Variants in EIF4G3 observed in about 807,000 individuals in gnomAD.
EIF4G3 encodes eukaryotic translation initiation factor 4 gamma 3.
In EIF4G3, 34 loss-of-function variants were observed where a neutral mutation model predicts 186.4. That is an observed-to-expected ratio of 0.18 (90% CI 0.14 to 0.24). The LOEUF (loss-of-function observed/expected upper bound fraction) is 0.24. EIF4G3 is among the 10% of genes least tolerant of loss of function. EIF4G3 has a pLI of 1.00. For synonymous variants in EIF4G3, 673 were observed against 679.5 expected (o/e 0.99, Z 0.15); for missense variants, 1,536 against 1,948.5 (o/e 0.79, Z 3.99).
intron 30 of EIF4G3, among the ~76,000 whole-genome samples, chr1:20,830,234 T>C (rs1029456054): frequency 2.0e-5 from 3 of 152,148 alleles, no homozygotes; most frequent in African/African-American, 7.2e-5. Context: ...TGCCACCCTT[T>C]TTTCAGAGGC....
chr1:20,980,449 C>A lies in EIF4G3; in HGVS notation c.379-1G>T. On this transcript the variant is annotated splice_acceptor_variant, in intron 9 of 36. Transcript: ENST00000602326. LOFTEE classifies it high-confidence loss of function. ...CATAAGGAGGGCCACTATGACGGTA[C>A]TAGAAAAGAGAAAGTATGAATATTT... is the stretch of plus-strand genomic sequence containing the variant. 1.3e-6 allele frequency: 2 copies of A among 1,536,518 alleles called. No individual in the cohort carries two copies. The highest frequency in any genetic ancestry group is 2.5e-5 in the East Asian group (1 of 39,860).
chr1:21,147,883 T>C (rs1448144648), intron 2 of EIF4G3, among the ~76,000 whole-genome samples: 3 of 152,142 alleles, frequency 2.0e-5, no homozygotes, highest in African/African-American at 7.2e-5. Context: ...GTATTATATA[T>C]CAATAAAAAC....
chr1:20,842,763 A>G (rs2069140493), intron 29 of EIF4G3, among the ~76,000 whole-genome samples: 1 of 151,878 alleles, frequency 6.6e-6, no homozygotes, highest in Non-Finnish European at 1.5e-5. Flanking sequence ...TAAATAAATT[A>G]CCACTCATCC....
At chr1:21,021,702 C>T (rs184336770) in intron 4 of EIF4G3, among the ~76,000 whole-genome samples, 28 of 152,160 alleles carry the variant, frequency 1.8e-4, no homozygotes, top group East Asian at 1.5e-3. Flanking sequence ...ACTACAGGCG[C>T]GCAGCACAAT....
chr1:20,867,362 C>T (rs1445066050), intron 20 of EIF4G3, among the ~76,000 whole-genome samples: 2 of 152,130 alleles, frequency 1.3e-5, no homozygotes, highest in East Asian at 3.9e-4. Context: ...AACCTCAGCC[C>T]CTACACCTGC....
chr1:21,176,590 G>T (rs1240983922), intron 1 of EIF4G3, 132 bp downstream of exon 1: 1 of 167,564 alleles, frequency 6.0e-6, no homozygotes, highest in Admixed American at 6.6e-5. Flanking sequence ...CGCCGCCGCC[G>T]CCTCCGCCGC....
chr1:21,168,014 A>G (rs1420024958), intron 2 of EIF4G3: 2 of 470,414 alleles, frequency 4.3e-6, no homozygotes, highest in Non-Finnish European at 8.8e-6. Context: ...CTTCTAAGCT[A>G]AAAGCCAAAG....
intron 14 of EIF4G3, among the ~76,000 whole-genome samples, chr1:20,926,901 T>G (rs982637656): frequency 4.6e-5 from 7 of 151,882 alleles, no homozygotes. Context: ...GTAAAAGAAG[T>G]TGGAGAGGTA....
rs944153566 is a variant in EIF4G3 at position 21,116,245 on chromosome 1, T to A, written c.-271-27032A>T. On this transcript the variant is annotated intron_variant, in intron 2 of 36. Transcript: ENST00000602326. ...ATATCTGAAATAAATTTTCACCATG[T>A]GTAATACATTATATTCCCTTCTTAG... Among the ~76,000 whole-genome samples, 3 of 152,326 alleles carry A rather than the reference T, an allele frequency of 2.0e-5. No individual in the cohort carries two copies. The South Asian group carries it at 6.2e-4, about 32-fold the overall frequency.
intron 27 of EIF4G3, 65 bp downstream of exon 27, chr1:20,853,495 T>G: frequency 1.9e-6 from 2 of 1,050,022 alleles, no homozygotes; most frequent in Non-Finnish European, 3.0e-6. Flanking sequence ...ACCCTTGTTC[T>G]TATCTTGCCA....
At chr1:21,149,062 C>T (rs2097506351) in intron 2 of EIF4G3, among the ~76,000 whole-genome samples, 1 of 150,530 alleles carries the variant, frequency 6.6e-6, no homozygotes, top group South Asian at 2.1e-4. Flanking sequence ...TGCCATTGTA[C>T]TCCAGCCTGA....
intron 15 of EIF4G3, among the ~76,000 whole-genome samples, chr1:20,903,281 A>G (rs1268149808): frequency 6.6e-6 from 1 of 152,228 alleles, no homozygotes; most frequent in Non-Finnish European, 1.5e-5. Flanking sequence ...GTGACAGCCT[A>G]AAATATTTAC....
intron 2 of EIF4G3, among the ~76,000 whole-genome samples, chr1:21,121,194 C>A (rs546452263): frequency 6.6e-6 from 1 of 152,256 alleles, no homozygotes; most frequent in South Asian, 2.1e-4. Context: ...CACACCCAGT[C>A]TAAAATGGTA....
At chr1:21,166,483 T>C (rs1006580178) in intron 2 of EIF4G3, among the ~76,000 whole-genome samples, 2 of 152,028 alleles carry the variant, frequency 1.3e-5, no homozygotes, top group Non-Finnish European at 2.9e-5. Flanking sequence ...CCAACACTTT[T>C]AGAGGCTGAG....
At chr1:20,826,507 T>C (rs1259980162) in intron 32 of EIF4G3, among the ~76,000 whole-genome samples, 1 of 140,798 alleles carries the variant, frequency 7.1e-6, no homozygotes, top group African/African-American at 2.6e-5. Context: ...TTTTTTTTTT[T>C]TGAGACAGAG....
At chr1:20,971,297 C>T (rs1323703669) in intron 11 of EIF4G3, among the ~76,000 whole-genome samples, 1 of 152,148 alleles carries the variant, frequency 6.6e-6, no homozygotes, top group African/African-American at 2.4e-5. Context: ...TTAGGGGAGT[C>T]CTTCAATTAA....
chr1:20,962,378 G>T (rs149862002), intron 12 of EIF4G3, among the ~76,000 whole-genome samples: 44 of 152,156 alleles, frequency 2.9e-4, no homozygotes, highest in Non-Finnish European at 4.4e-4. Context: ...AAACCATCAG[G>T]AAGAGAAAAT....
intron 2 of EIF4G3, among the ~76,000 whole-genome samples, chr1:21,101,542 C>T (rs2096520760): frequency 1.0e-5 from 1 of 96,850 alleles, no homozygotes; most frequent in Non-Finnish European, 2.0e-5. Flanking sequence ...TACACTCTAG[C>T]CTGGGCAACA....
intron 20 of EIF4G3, among the ~76,000 whole-genome samples, chr1:20,877,292 A>G (rs1426713040): frequency 3.9e-5 from 6 of 152,230 alleles, no homozygotes; most frequent in Non-Finnish European, 5.9e-5. Context: ...ATGGAGAATT[A>G]GTTTGCTTCC....
Sources: allele counts gnomAD v4.1 joint callset (sites outside exome capture counted in the v4.1 genomes callset), GRCh38; gene constraint gnomAD v4.1.1; transcripts MANE v1.5; gene names NCBI Gene and HGNC (gene_info 2026-07-23, HGNC 2026-07-21).